GLI3: variants seen among roughly 807,000 people sequenced by gnomAD.
GLI3 encodes GLI family zinc finger 3, also known as transcription activator GLI3.
A neutral mutation model predicts 100.8 loss-of-function variants in GLI3; 20 were observed. That is an observed-to-expected ratio of 0.20 (90% confidence interval 0.14 to 0.29). GLI3 has a LOEUF of 0.29. Ranked by LOEUF, GLI3 falls within the 10% of genes least tolerant of loss-of-function variation. The probability of loss-of-function intolerance (pLI) is 1.00; values close to 1 mark genes in which losing one functional copy is unlikely to be tolerated. For missense variants in GLI3, 2,040 were observed against 2,128.5 expected (o/e 0.96, Z 0.82); for synonymous variants, 938 against 860.5 (o/e 1.09, Z -1.58).
intron 2 of GLI3, among the ~76,000 whole-genome samples, chr7:42,182,664 A>G (rs1319473374): frequency 6.4e-5 from 5 of 78,318 alleles, no homozygotes; most frequent in South Asian, 4.5e-4. Context: ...ATATATATAT[A>G]TATATATATA....
chr7:42,113,392 G>A, intron 3 of GLI3: 1 of 699,126 alleles, frequency 1.4e-6, no homozygotes, highest in Non-Finnish European at 2.7e-6. Flanking sequence ...TGAGGGGGAT[G>A]CTGAAGGAGA....
At chr7:42,117,598 A>G (rs1395545755) in intron 3 of GLI3, among the ~76,000 whole-genome samples, 1 of 152,208 alleles carries the variant, frequency 6.6e-6, no homozygotes, top group Non-Finnish European at 1.5e-5. Context: ...TGAGAACTCC[A>G]GCTTTAAAAG....
At position 42,105,663 on chromosome 7, in the gene GLI3, C is replaced by A. The variant is rs577193021; in HGVS notation, c.368-28806G>T. On this transcript the variant is annotated intron_variant, in intron 3 of 14. Coordinates refer to ENST00000395925, the MANE Select transcript of GLI3 (RefSeq NM_000168.6). The stretch of plus-strand genomic sequence containing the variant: ...AATTTAAAAACAGCATTCTTTAGTT[C>A]CACTTCATCAAGCAAACAGCAGAAT... Among the ~76,000 whole-genome samples, 3 of 152,254 alleles carry A rather than the reference C, an allele frequency of 2.0e-5. No individual in the cohort carries two copies. In the South Asian group the frequency reaches 6.2e-4, roughly 32 times the overall value.
intron 4 of GLI3, among the ~76,000 whole-genome samples, chr7:42,051,274 T>C (rs189105915): frequency 2.5e-4 from 38 of 152,252 alleles, no homozygotes; most frequent in African/African-American, 8.7e-4. Flanking sequence ...ATCCAAGCAG[T>C]GGGACTCAAT....
intron 10 of GLI3, among the ~76,000 whole-genome samples, chr7:42,018,066 TG>T (rs1562687537): frequency 6.6e-6 from 1 of 152,168 alleles, no homozygotes; most frequent in Non-Finnish European, 1.5e-5. Context: ...TAGCTGGGCC[TG>T]GGGGGCTCTG....
intron 3 of GLI3, among the ~76,000 whole-genome samples, chr7:42,115,191 T>A (rs890492897): frequency 1.5e-5 from 2 of 136,494 alleles, no homozygotes; most frequent in African/African-American, 5.6e-5. Flanking sequence ...CAGGTTGGAG[T>A]GCAGTGGTGT....
At chr7:42,130,149 A>G (rs1361136128) in intron 3 of GLI3, among the ~76,000 whole-genome samples, 2 of 152,224 alleles carry the variant, frequency 1.3e-5, no homozygotes, top group East Asian at 1.9e-4. Flanking sequence ...AGCTCCCCAG[A>G]ATCAAGCCCT....
chr7:42,004,018 T>G (rs1039332529), intron 10 of GLI3, among the ~76,000 whole-genome samples: 3 of 152,180 alleles, frequency 2.0e-5, no homozygotes, highest in African/African-American at 7.2e-5. Context: ...AAATATATCA[T>G]ACCACACAGT....
chr7:42,199,357 G>T (rs1311682499), intron 2 of GLI3, among the ~76,000 whole-genome samples: 1 of 152,134 alleles, frequency 6.6e-6, no homozygotes, highest in Non-Finnish European at 1.5e-5. Flanking sequence ...TTTCTAATAA[G>T]TTTACAGAAA....
intron 7 of GLI3, among the ~76,000 whole-genome samples, chr7:42,033,632 A>G (rs557595581): frequency 2.0e-4 from 30 of 152,328 alleles, no homozygotes; most frequent in Non-Finnish European, 2.4e-4. Context: ...CTTCCTGGCT[A>G]CTTTGTGACT....
Position 42,046,853 on chromosome 7 carries a change from T to G in GLI3, c.680-1323A>C, listed in dbSNP as rs1784255288. Among the ~76,000 whole-genome samples the G allele has an allele frequency of 2.0e-5, 3 of 152,326 alleles. No individual in the cohort carries two copies. In the South Asian group the frequency reaches 6.2e-4, roughly 32 times the overall value. ...GAAAATCTAATTCATATTTGATTTT[T>G]ATTTTTAAAATGTGAATCTTGGCCA... On this transcript the variant is annotated intron_variant, in intron 5 of 14. Coordinates refer to ENST00000395925, the MANE Select transcript of GLI3 (RefSeq NM_000168.6).
chr7:42,024,298 T>C (rs1388153784), intron 9 of GLI3, among the ~76,000 whole-genome samples: 2 of 152,242 alleles, frequency 1.3e-5, no homozygotes, highest in African/African-American at 4.8e-5. Context: ...ACAAGTCATT[T>C]TGAGAATTCA....
chr7:42,224,998 G>T (rs1788556700), intron 1 of GLI3, among the ~76,000 whole-genome samples: 1 of 152,190 alleles, frequency 6.6e-6, no homozygotes, highest in Middle Eastern at 3.2e-3. Flanking sequence ...AATTTCCAAG[G>T]GATCACAGAC....
At chr7:41,994,552 G>C (rs1173806945) in intron 10 of GLI3, among the ~76,000 whole-genome samples, 1 of 152,180 alleles carries the variant, frequency 6.6e-6, no homozygotes, top group Non-Finnish European at 1.5e-5. Context: ...TCCTTCCAAA[G>C]GGGAACTGGG....
chr7:42,259,303 T>C (rs532501197), intron 1 of GLI3, among the ~76,000 whole-genome samples: 2 of 152,174 alleles, frequency 1.3e-5, no homozygotes, highest in African/African-American at 2.4e-5. Context: ...ATGCAACAAA[T>C]ATAAACATCT....
At chr7:42,086,011 G>T (rs920144695) in intron 3 of GLI3, among the ~76,000 whole-genome samples, 3 of 152,148 alleles carry the variant, frequency 2.0e-5, no homozygotes, top group South Asian at 4.1e-4. Context: ...TATTGACTCT[G>T]CTTCTTTTAT....
chr7:42,128,366 A>AC (rs1201745941), intron 3 of GLI3, among the ~76,000 whole-genome samples: 1 of 152,210 alleles, frequency 6.6e-6, no homozygotes, highest in Non-Finnish European at 1.5e-5. Context: ...GTTAAAAAAA[A>AC]ATAAAAAGTG....
chr7:42,111,068 G>A (rs1785694988), intron 3 of GLI3, among the ~76,000 whole-genome samples: 1 of 152,188 alleles, frequency 6.6e-6, no homozygotes, highest in South Asian at 2.1e-4. Context: ...ATTACTACCA[G>A]AGTAGGAAAA....
intron 10 of GLI3, among the ~76,000 whole-genome samples, chr7:42,002,744 A>G (rs1359380223): frequency 1.3e-5 from 2 of 152,244 alleles, no homozygotes; most frequent in African/African-American, 4.8e-5. Context: ...AGGGGCTATA[A>G]GAAATCATAG....
Sources: allele counts gnomAD v4.1 joint callset (sites outside exome capture counted in the v4.1 genomes callset), GRCh38; gene constraint gnomAD v4.1.1; transcripts MANE v1.5; gene names NCBI Gene and HGNC (gene_info 2026-07-23, HGNC 2026-07-21).